ELF2: variants seen among roughly 807,000 people sequenced by gnomAD.
ELF2 encodes the protein E74 like ETS transcription factor 2.
A neutral mutation model predicts 54.8 loss-of-function variants in ELF2; 11 were observed. The observed-to-expected ratio is 0.20, with a 90% CI of 0.13 to 0.33. ELF2 has a LOEUF of 0.33. Ranked by LOEUF, ELF2 falls within the 10% of genes least tolerant of loss-of-function variation. ELF2 has a pLI of 1.00. For synonymous variants in ELF2, 203 were observed against 245.1 expected, an observed-to-expected ratio of 0.83 and a Z score of 1.61; for missense variants, 513 against 703.0, an observed-to-expected ratio of 0.73 and a Z score of 3.06.
intron 4 of ELF2, among the ~76,000 whole-genome samples, chr4:139,099,233 C>T (rs1275898268): frequency 1.6e-4 from 24 of 152,308 alleles, no homozygotes; most frequent in African/African-American, 5.3e-4. Context: ...TCTAGTTAAA[C>T]TACACTAACG....
rs1728932048 is a variant in ELF2 at position 139,067,784 on chromosome 4, A to G, written c.527-14T>C. 2 of 1,570,794 alleles carry G rather than the reference A, an allele frequency of 1.3e-6. No homozygotes were observed. The highest frequency in any genetic ancestry group is 1.7e-6 in the Non-Finnish European group (2 of 1,153,320). ...GTTTACGGCCAACTGAAAAAATAAG[A>G]TATTGAAACCATACGTTGAAAACAA... On this transcript the variant is annotated splice_polypyrimidine_tract_variant and intron_variant, in intron 6 of 9. Transcript: ENST00000686138.
In ELF2 at chr4:139,066,568, T is replaced by C. The variant is rs138555806; in HGVS notation, c.613+1116A>G. On this transcript the variant is annotated intron_variant, in intron 7 of 9. Coordinates refer to ENST00000686138, the MANE Select transcript of ELF2 (RefSeq NM_001331036.3). ...TGGGGGAGGTTTGGTGCTGTTTTCA[T>C]TTTTAATCAGGATACACAAATTCTA... 78 of 152,246 alleles carry C rather than the reference T, an allele frequency of 5.1e-4. 1 individual carries two copies. Among genetic ancestry groups the C allele is most frequent in the African/African-American group, 1.6e-3 (67 of 41,558 alleles). The allele number at this position is 152,246 out of a possible 1,614,324, so 9.4% of individuals were successfully genotyped here.
At chr4:139,137,198 G>T (rs1738268418) in intron 3 of ELF2, 1 of 157,226 alleles carries the variant, frequency 6.4e-6, no homozygotes, top group Non-Finnish European at 1.4e-5. Flanking sequence ...AAATACAATG[G>T]ATCTCCACAC....
chr4:139,060,815 T>C, intron 8 of ELF2, 141 bp from the exon 9 acceptor site: 1 of 724,370 alleles, frequency 1.4e-6, no homozygotes, highest in Non-Finnish European at 2.2e-6. Context: ...AAACAAACTC[T>C]TACTGCCTAG....
At chr4:139,138,609 C>T (rs1738415045) in intron 2 of ELF2, among the ~76,000 whole-genome samples, 1 of 152,122 alleles carries the variant, frequency 6.6e-6, no homozygotes, top group Non-Finnish European at 1.5e-5. Context: ...TTTCATTCTT[C>T]TTCTTTGCCT....
chr4:139,087,686 C>G (rs756332245), intron 4 of ELF2, among the ~76,000 whole-genome samples: 57 of 152,176 alleles, frequency 3.7e-4, no homozygotes, highest in Non-Finnish European at 4.6e-4. Flanking sequence ...AGGATGGTCT[C>G]GATATCCTGA....
chr4:139,091,510 G>A (rs993243633), intron 4 of ELF2, among the ~76,000 whole-genome samples: 11 of 151,808 alleles, frequency 7.2e-5, no homozygotes, highest in African/African-American at 2.4e-4. Flanking sequence ...TTTGAGACAG[G>A]GTCTCACTCT....
chr4:139,152,891 C>CTTTT (rs34208004), intron 1 of ELF2, among the ~76,000 whole-genome samples: 45 of 104,022 alleles, frequency 4.3e-4, no homozygotes, highest in African/African-American at 8.4e-4. Flanking sequence ...TAGTGTCATA[C>CTTTT]TTTTTTTTTT....
intron 4 of ELF2, among the ~76,000 whole-genome samples, chr4:139,106,077 G>A: frequency 6.6e-6 from 1 of 152,020 alleles, no homozygotes; most frequent in Non-Finnish European, 1.5e-5. Context: ...CATTGGCCAT[G>A]GAAATTTTTG....
intron 1 of ELF2, among the ~76,000 whole-genome samples, chr4:139,147,215 G>A (rs1279167254): frequency 6.6e-6 from 1 of 152,094 alleles, no homozygotes; most frequent in Admixed American, 6.5e-5. Context: ...TCATGAAAAA[G>A]TGGGAAAATG....
intron 4 of ELF2, among the ~76,000 whole-genome samples, chr4:139,116,986 C>T (rs1578843921): frequency 6.6e-6 from 1 of 152,178 alleles, no homozygotes; most frequent in East Asian, 1.9e-4. Context: ...AAAAGCACTG[C>T]TTTCTCGTTG....
Position 139,059,624 on chromosome 4 carries a change from A to C in ELF2, c.1158-17T>G. 1 of 1,592,300 alleles carries C rather than the reference A, an allele frequency of 6.3e-7. No individual in the cohort carries two copies. The highest frequency in any genetic ancestry group is 1.1e-5 in the South Asian group (1 of 89,430). ...CGAACTGTCCTAGTACATTAGAAAG[A>C]AAAAAGCTGATTATATTTAATGCCA... On this transcript the variant is annotated splice_polypyrimidine_tract_variant and intron_variant, in intron 9 of 9. Coordinates refer to ENST00000686138, the MANE Select transcript of ELF2 (RefSeq NM_001331036.3).
rs1178965590 is a variant in ELF2 at position 139,123,653 on chromosome 4, CTTT to C, written c.238+1508_238+1510del. On this transcript the variant is annotated intron_variant, in intron 4 of 9. Transcript: ENST00000686138. ...GCAAATTTGGTGCTATAGTTTTTAT[CTTT>C]TTTAAAGTTTCCAACTTGCTATCAA... is the stretch of plus-strand genomic sequence containing the variant. Among the ~76,000 whole-genome samples, 4 of 152,214 alleles carry C rather than the reference CTTT, an allele frequency of 2.6e-5. No individual in the cohort carries two copies. The East Asian group carries it at 7.7e-4, about 29-fold the overall frequency.
intron 4 of ELF2, among the ~76,000 whole-genome samples, chr4:139,107,122 G>A (rs1356113209): frequency 2.6e-5 from 4 of 152,054 alleles, no homozygotes; most frequent in East Asian, 1.9e-4. Context: ...ACAATGCTCC[G>A]AGAGAAAGTT....
chr4:139,144,269 T>G (rs2148872097), intron 1 of ELF2, among the ~76,000 whole-genome samples: 1 of 152,118 alleles, frequency 6.6e-6, no homozygotes, highest in South Asian at 2.1e-4. Context: ...CCCCACCCAG[T>G]GCTAAAACTA....
chr4:139,080,032 T>C (rs1560781755), intron 4 of ELF2, among the ~76,000 whole-genome samples: 1 of 152,228 alleles, frequency 6.6e-6, no homozygotes, highest in Admixed American at 6.5e-5. Context: ...CTTTTGAACA[T>C]TTTGCTATAG....
chr4:139,063,249 CCCTGTCACA>C (rs1728153494), intron 7 of ELF2, among the ~76,000 whole-genome samples: 1 of 152,018 alleles, frequency 6.6e-6, no homozygotes, highest in Non-Finnish European at 1.5e-5. Flanking sequence ...CAGAGTGAAA[CCCTGTCACA>C]GGAAAAAAGA....
intron 3 of ELF2, 80 bp from the exon 4 acceptor site, chr4:139,125,409 A>C (rs1012256835): frequency 1.1e-5 from 17 of 1,495,292 alleles, no homozygotes; most frequent in Admixed American, 2.3e-5. Context: ...GAACTAATAC[A>C]GTCTCGAGCA....
At chr4:139,151,032 A>AAAAAAAAGAAAG (rs1301387000) in intron 1 of ELF2, among the ~76,000 whole-genome samples, 2 of 102,532 alleles carry the variant, frequency 2.0e-5, no homozygotes, top group Non-Finnish European at 1.8e-5. Flanking sequence ...TCAAAAAAAA[A>AAAAAAAAGAAAG]AAAGAAAGAA....
Sources: allele counts gnomAD v4.1 joint callset (sites outside exome capture counted in the v4.1 genomes callset), GRCh38; gene constraint gnomAD v4.1.1; transcripts MANE v1.5; gene names NCBI Gene and HGNC (gene_info 2026-07-23, HGNC 2026-07-21).